GREB1L: variants seen among roughly 807,000 people sequenced by gnomAD.
The protein encoded by GREB1L is GREB1 like retinoic acid receptor coactivator.
GREB1L carries 17 observed loss-of-function variants against 200.8 expected under a neutral mutation model. The ratio of observed to expected loss-of-function variants is 0.08; its 90% CI spans 0.06 to 0.13. The LOEUF is 0.13. GREB1L is among the 10% of genes least tolerant of loss of function. The probability of loss-of-function intolerance (pLI) is 1.00; values close to 1 mark genes in which losing one functional copy is unlikely to be tolerated. For synonymous variants in GREB1L, 789 were observed against 893.0 expected, an observed-to-expected ratio of 0.88 and a Z score of 2.08; for missense variants, 1,657 against 2,367.7, an observed-to-expected ratio of 0.70 and a Z score of 6.23.
intron 17 of GREB1L, among the ~76,000 whole-genome samples, chr18:21,484,156 A>C (rs2036030655): frequency 6.6e-6 from 1 of 150,670 alleles, no homozygotes; most frequent in Admixed American, 6.6e-5. Context: ...TTATCTTAAT[A>C]CATACATACA....
chr18:21,332,918 A>C (rs1309945720), intron 1 of GREB1L, among the ~76,000 whole-genome samples: 2 of 151,692 alleles, frequency 1.3e-5, no homozygotes, highest in African/African-American at 4.8e-5. Flanking sequence ...CTGTCTCTAC[A>C]AAAAGTTAGA....
chr18:21,417,793 TC>T (rs959991765), intron 7 of GREB1L, among the ~76,000 whole-genome samples: 80 of 151,846 alleles, frequency 5.3e-4, no homozygotes, highest in African/African-American at 1.9e-3. Context: ...ATCAAGACCA[TC>T]CTGGCTAACA....
intron 1 of GREB1L, among the ~76,000 whole-genome samples, chr18:21,281,935 C>G (rs1187803311): frequency 6.6e-6 from 1 of 152,050 alleles, no homozygotes; most frequent in Non-Finnish European, 1.5e-5. Flanking sequence ...AAAGAAAACT[C>G]AAATCATTAT....
chr18:21,372,767 C>CAAA (rs2039928448), intron 2 of GREB1L, among the ~76,000 whole-genome samples: 2 of 152,068 alleles, frequency 1.3e-5, no homozygotes, highest in African/African-American at 4.8e-5. Flanking sequence ...ACTAAAAATA[C>CAAA]AAAATTAGCT....
chr18:21,450,419 C>T (rs1193430622), intron 12 of GREB1L, among the ~76,000 whole-genome samples: 3 of 152,162 alleles, frequency 2.0e-5, no homozygotes, highest in African/African-American at 7.2e-5. Context: ...CTGAATGGCT[C>T]TCACCTCTTC....
intron 7 of GREB1L, among the ~76,000 whole-genome samples, chr18:21,432,700 T>C (rs1452213077): frequency 7.4e-6 from 1 of 135,978 alleles, no homozygotes; most frequent in Non-Finnish European, 1.5e-5. Context: ...CATTTTCTTT[T>C]TTTTCTTTTT....
chr18:21,513,886 G>C lies in GREB1L; in HGVS notation c.4801G>C (p.Glu1601Gln). Reference sequence around the variant, plus strand: ...CCTAGAATTGGAGAGAAACCGCCTGGAGGAGCTAGGCATTAAACGCCAGTG... The same window carrying C: ...CCTAGAATTGGAGAGAAACCGCCTGCAGGAGCTAGGCATTAAACGCCAGTG... ...HNLELERNRL[E>Q]ELGIKRQCVW... Residue 1601 changes from glutamate to glutamine, a missense_variant, in exon 28 of 33, where the codon GAG becomes CAG. Physicochemically the swap from Glu to Gln is conservative, Grantham distance 29 (BLOSUM62 2). This residue lies in a region of GREB1L where 151 missense variants were observed against 309.6 expected (regional missense o/e 0.49). Coordinates refer to ENST00000424526, the MANE Select transcript of GREB1L (RefSeq NM_001142966.3). 1 of 1,551,670 alleles carries C rather than the reference G, an allele frequency of 6.4e-7. No individual in the cohort carries two copies. The highest frequency in any genetic ancestry group is 8.7e-7 in the Non-Finnish European group (1 of 1,146,946).
At chr18:21,464,894 G>A (rs548468228) in intron 15 of GREB1L, among the ~76,000 whole-genome samples, 1 of 152,262 alleles carries the variant, frequency 6.6e-6, no homozygotes, top group African/African-American at 2.4e-5. Context: ...AAGAAAAAAG[G>A]TAAAAGAAAA....
chr18:21,363,264 TG>T (rs2039605133), intron 1 of GREB1L, among the ~76,000 whole-genome samples: 1 of 55,024 alleles, frequency 1.8e-5, no homozygotes, highest in African/African-American at 8.5e-5. Flanking sequence ...AGGCTCCCCC[TG>T]CCCCCACTCC....
chr18:21,397,212 C>T (rs1390280614), intron 5 of GREB1L, among the ~76,000 whole-genome samples: 1 of 151,448 alleles, frequency 6.6e-6, no homozygotes, highest in Non-Finnish European at 1.5e-5. Context: ...AGAACATTTT[C>T]GGCCTGGCAC....
chr18:21,415,990 A>G (rs1373671443), intron 7 of GREB1L, among the ~76,000 whole-genome samples: 3 of 152,194 alleles, frequency 2.0e-5, no homozygotes, highest in Non-Finnish European at 4.4e-5. Flanking sequence ...AGAAAATACA[A>G]CCAATACCAA....
intron 7 of GREB1L, among the ~76,000 whole-genome samples, chr18:21,435,852 A>G (rs1439810011): frequency 6.6e-6 from 1 of 152,156 alleles, no homozygotes; most frequent in Non-Finnish European, 1.5e-5. Flanking sequence ...CTTGAGCTAG[A>G]TCATTTTGGC....
intron 2 of GREB1L, 93 bp from the exon 3 acceptor site, chr18:21,383,417 A>G (rs1372732783): frequency 3.0e-5 from 27 of 898,236 alleles, no homozygotes; most frequent in Non-Finnish European, 4.2e-5. Context: ...AGATATATGG[A>G]CATAGTTTAA....
intron 1 of GREB1L, among the ~76,000 whole-genome samples, chr18:21,328,618 G>C (rs1325379797): frequency 1.3e-5 from 2 of 152,072 alleles, no homozygotes; most frequent in Non-Finnish European, 2.9e-5. Flanking sequence ...TGTTGGACCT[G>C]CTCCTTTCTT....
At chr18:21,477,564 A>C (rs1485466965) in intron 17 of GREB1L, among the ~76,000 whole-genome samples, 1 of 152,166 alleles carries the variant, frequency 6.6e-6, no homozygotes, top group African/African-American at 2.4e-5. Flanking sequence ...AGGCGGGTGG[A>C]TCACAAGGTC....
intron 1 of GREB1L, among the ~76,000 whole-genome samples, chr18:21,311,426 A>G (rs1300123014): frequency 1.3e-5 from 2 of 152,224 alleles, no homozygotes; most frequent in Non-Finnish European, 2.9e-5. Flanking sequence ...TTGGATTGGC[A>G]TCACCAGGCA....
Position 21,430,822 on chromosome 18 carries a change from C to T in GREB1L, c.833-8699C>T, listed in dbSNP as rs960676968. Among the ~76,000 whole-genome samples, 11 of 150,812 alleles carry T rather than the reference C, an allele frequency of 7.3e-5. No individual in the cohort carries two copies. In the East Asian group the frequency reaches 7.8e-4, roughly 11 times the overall value. ...TGTTGGTCAGGCTGGTCTCAAACTC[C>T]GGACCTCAGGTGATCTGCCCACCTC... On this transcript the variant is annotated intron_variant, in intron 7 of 32. Coordinates refer to ENST00000424526, the MANE Select transcript of GREB1L (RefSeq NM_001142966.3).
chr18:21,513,777 T>A (rs532088790), intron 27 of GREB1L, 44 bp from the exon 28 acceptor site: 99 of 1,530,716 alleles, frequency 6.5e-5, no homozygotes, highest in Non-Finnish European at 8.6e-5. Context: ...CAAGCCTGAG[T>A]GAAGGATGTG....
chr18:21,498,496 T>C (rs1010745180), intron 21 of GREB1L, among the ~76,000 whole-genome samples: 16 of 152,170 alleles, frequency 1.1e-4, no homozygotes, highest in Admixed American at 8.5e-4. Flanking sequence ...GGATAACACC[T>C]GGAAGCTTTT....
Sources: allele counts gnomAD v4.1 joint callset (sites outside exome capture counted in the v4.1 genomes callset), GRCh38; gene constraint gnomAD v4.1.1; regional missense constraint gnomAD v4.1.1; transcripts MANE v1.5; gene names NCBI Gene and HGNC (gene_info 2026-07-23, HGNC 2026-07-21).